Variants in PPARGC1A observed in about 807,000 individuals in gnomAD.
The protein encoded by PPARGC1A is PPARG coactivator 1 alpha.
PPARGC1A carries 25 observed loss-of-function variants against 88.7 expected under a neutral mutation model. The ratio of observed to expected loss-of-function variants is 0.28; its 90% CI spans 0.21 to 0.39. The LOEUF is 0.39. Among genes scored for constraint, PPARGC1A ranks in the 10% least tolerant of loss-of-function variants. The pLI is 1.00. For missense variants in PPARGC1A, 880 were observed against 968.7 expected, an observed-to-expected ratio of 0.91 and a Z score of 1.22; for synonymous variants, 363 against 355.6, an observed-to-expected ratio of 1.02 and a Z score of -0.24.
chr4:24,046,009 C>T, the PPARGC1A span, among the ~76,000 whole-genome samples: 22 of 152,154 alleles, frequency 1.4e-4, no homozygotes, highest in Non-Finnish European at 2.9e-4. Context: ...CATACTAAGA[C>T]TTCAATAAAT....
At chr4:23,984,835 G>A in the PPARGC1A span, among the ~76,000 whole-genome samples, 31 of 152,016 alleles carry the variant, frequency 2.0e-4, no homozygotes, top group Non-Finnish European at 1.3e-4. Flanking sequence ...AACAAGAACC[G>A]AAATCCACAT....
the PPARGC1A span, among the ~76,000 whole-genome samples, chr4:24,140,682 T>C: frequency 6.6e-6 from 1 of 152,204 alleles, no homozygotes; most frequent in Non-Finnish European, 1.5e-5. Flanking sequence ...AATCTCTTTC[T>C]TTGTGCTCAC....
the PPARGC1A span, among the ~76,000 whole-genome samples, chr4:24,372,927 G>A: frequency 3.4e-4 from 52 of 152,316 alleles, no homozygotes; most frequent in Non-Finnish European, 6.2e-4. Context: ...GGAAAGTCAG[G>A]CTGAATTTCT....
chr4:24,289,446 T>C, the PPARGC1A span, among the ~76,000 whole-genome samples: 4 of 152,190 alleles, frequency 2.6e-5, no homozygotes, highest in Admixed American at 2.6e-4. Context: ...CTCTGGGACA[T>C]TTCTTCTTCT....
At chr4:24,114,626 G>T in the PPARGC1A span, among the ~76,000 whole-genome samples, 1 of 152,092 alleles carries the variant, frequency 6.6e-6, no homozygotes, top group Non-Finnish European at 1.5e-5. Flanking sequence ...CAACATTTAC[G>T]CAGGGTTGAA....
the PPARGC1A span, among the ~76,000 whole-genome samples, chr4:23,940,824 C>A: frequency 1.8e-4 from 28 of 152,138 alleles, no homozygotes; most frequent in African/African-American, 6.5e-4. Context: ...TTCTTGGTTG[C>A]TTGCTACTTA....
the PPARGC1A span, among the ~76,000 whole-genome samples, chr4:24,400,833 T>G: frequency 6.6e-6 from 1 of 152,110 alleles, no homozygotes; most frequent in East Asian, 1.9e-4. Flanking sequence ...TAAAAGCACC[T>G]ATGTAAAATG....
At chr4:24,076,415 CCT>C in the PPARGC1A span, among the ~76,000 whole-genome samples, 1 of 152,090 alleles carries the variant, frequency 6.6e-6, no homozygotes, top group Admixed American at 6.6e-5. Context: ...TATTTTTCTG[CCT>C]CTTAGAATGA....
At chr4:23,996,276 G>A in the PPARGC1A span, among the ~76,000 whole-genome samples, 2 of 152,166 alleles carry the variant, frequency 1.3e-5, no homozygotes, top group Non-Finnish European at 2.9e-5. Flanking sequence ...CAAGTCACAT[G>A]GAAATTGAGG....
chr4:24,175,639 C>T, the PPARGC1A span, among the ~76,000 whole-genome samples: 2 of 150,552 alleles, frequency 1.3e-5, no homozygotes, highest in South Asian at 2.1e-4. Context: ...CTGCCCGCCT[C>T]GGCGTCCCAA....
chr4:23,937,592 T>A, the PPARGC1A span, among the ~76,000 whole-genome samples: 1 of 152,180 alleles, frequency 6.6e-6, no homozygotes, highest in South Asian at 2.1e-4. Flanking sequence ...TTCAACATTT[T>A]TTTTCCTATT....
At chr4:23,820,121 GTTTA>G (rs1560369552) in intron 7 of PPARGC1A, among the ~76,000 whole-genome samples, 2 of 152,084 alleles carry the variant, frequency 1.3e-5, no homozygotes, top group African/African-American at 4.8e-5. Context: ...TTTTGTTGTT[GTTTA>G]TTTGTGAGTC....
chr4:23,809,866 C>T (rs12331210), intron 10 of PPARGC1A, among the ~76,000 whole-genome samples: 2,963 of 152,068 alleles, frequency 0.019, 89 homozygotes, highest in African/African-American at 0.068. Context: ...AGTCTTATAC[C>T]CTCTCTGAGG....
the PPARGC1A span, among the ~76,000 whole-genome samples, chr4:24,150,292 C>T: frequency 6.6e-6 from 1 of 152,130 alleles, no homozygotes. Flanking sequence ...GCAGAAAGGA[C>T]AAGTAGGTGT....
chr4:23,998,561 T>C, the PPARGC1A span, among the ~76,000 whole-genome samples: 2 of 152,322 alleles, frequency 1.3e-5, no homozygotes, highest in East Asian at 3.9e-4. Context: ...GTAGGTCACA[T>C]GATAACAGGA....
At chr4:23,886,446 G>C (rs1354648197) in intron 1 of PPARGC1A, among the ~76,000 whole-genome samples, 1 of 152,014 alleles carries the variant, frequency 6.6e-6, no homozygotes, top group Non-Finnish European at 1.5e-5. Context: ...AGGATGGGGG[G>C]AGACTGAAAA....
At chr4:24,273,055 C>T in the PPARGC1A span, among the ~76,000 whole-genome samples, 1 of 152,206 alleles carries the variant, frequency 6.6e-6, no homozygotes, top group South Asian at 2.1e-4. Context: ...GGTTCTTAAT[C>T]GAACATTCAT....
At chr4:23,950,584 ATGGT>A in the PPARGC1A span, among the ~76,000 whole-genome samples, 18 of 152,124 alleles carry the variant, frequency 1.2e-4, no homozygotes, top group Non-Finnish European at 2.2e-4. Flanking sequence ...TTCCTCCAAA[ATGGT>A]TACCTTTAGA....
At chr4:24,332,039 G>A in the PPARGC1A span, among the ~76,000 whole-genome samples, 16 of 151,942 alleles carry the variant, frequency 1.1e-4, no homozygotes, top group South Asian at 4.2e-4. Flanking sequence ...TGTTGACGTC[G>A]GGCAGTAGTC....
Sources: allele counts gnomAD v4.1 joint callset (sites outside exome capture counted in the v4.1 genomes callset), GRCh38; gene constraint gnomAD v4.1.1; transcripts MANE v1.5; gene names NCBI Gene and HGNC (gene_info 2026-07-23, HGNC 2026-07-21).